The following MASTL variants were observed in gnomAD, a reference collection of about 807,000 sequenced individuals.
MASTL encodes the protein serine/threonine-protein kinase greatwall.
A neutral mutation model predicts 82.5 loss-of-function variants in MASTL; 54 were observed. The ratio of observed to expected loss-of-function variants is 0.65; its 90% confidence interval spans 0.53 to 0.82. The LOEUF is 0.82. Ranked by LOEUF, MASTL falls within the 40% of genes least tolerant of loss-of-function variation. The pLI, the probability that MASTL is intolerant of heterozygous loss-of-function variation, is 0.00. For synonymous variants in MASTL, 323 were observed against 368.9 expected, an observed-to-expected ratio of 0.88 and a Z score of 1.43; for missense variants, 950 against 1,047.8, an observed-to-expected ratio of 0.91 and a Z score of 1.29.
Position 27,159,549 on chromosome 10 carries a change from T to A in MASTL, c.325-70T>A. The A allele has an allele frequency of 8.9e-7, 1 of 1,119,968 alleles. No individual in the cohort carries two copies. Among genetic ancestry groups the A allele is most frequent in the Admixed American group, 1.8e-5 (1 of 55,678 alleles). The allele number at this position is 1,119,968 out of a possible 1,614,324, so 69.4% of individuals were successfully genotyped here. The stretch of plus-strand genomic sequence containing the variant: ...GCCATGCCAAATATTGTAACTGTAA[T>A]GCCCAAATACTAGATTTTTAAAGTA... On this transcript the variant is annotated intron_variant, in intron 2 of 11. Coordinates refer to ENST00000375940, the MANE Select transcript of MASTL (RefSeq NM_001172303.3). This position sits in a 1 kb window ranked among gnomAD's most constrained non-coding sequence, Gnocchi z 4.0.
In MASTL at chr10:27,186,798, G is replaced by A. The variant is rs1446584912; in HGVS notation, c.*262G>A. 3 of 448,692 alleles carry A rather than the reference G, an allele frequency of 6.7e-6. No individual in the cohort carries two copies. Among genetic ancestry groups the A allele is most frequent in the Non-Finnish European group, 1.2e-5 (3 of 245,720 alleles). 27.8% of individuals were successfully genotyped at this position (448,692 alleles called of 1,614,324 possible). A position where few individuals can be genotyped will look rare whatever the true frequency, so the allele number is the denominator to read the frequency against. On this transcript the variant is annotated 3_prime_UTR_variant, in exon 12 of 12. Transcript: ENST00000375940. ...TTGTTTATTGCACTTTATGAAAACT[G>A]AAGCATCAATAAAATTAGAGGACAC...
At position 27,187,173 on chromosome 10, in the gene MASTL, G is replaced by A. The variant is rs529323187; in HGVS notation, c.*637G>A. Among the ~76,000 whole-genome samples, 9 of 152,262 alleles carry A rather than the reference G, an allele frequency of 5.9e-5. No homozygotes were observed. Among genetic ancestry groups the A allele is most frequent in the Admixed American group, 1.3e-4 (2 of 15,298 alleles). Reference sequence around the variant, plus strand: ...AAATTAGCCGGGCATGTTGGTGGGCGCCTGTAGTCCCAGCTACTCTGGAGG... The same window carrying A: ...AAATTAGCCGGGCATGTTGGTGGGCACCTGTAGTCCCAGCTACTCTGGAGG... On this transcript the variant is annotated 3_prime_UTR_variant, in exon 12 of 12. Transcript: ENST00000375940.
chr10:27,181,751 C>T (rs1315942924), intron 11 of MASTL, among the ~76,000 whole-genome samples, 170 bp downstream of exon 11: 5 of 151,766 alleles, frequency 3.3e-5, no homozygotes, highest in Admixed American at 6.6e-5. Flanking sequence ...CCAGCCTGTC[C>T]GATATGGCGA....
chr10:27,157,262 A>C (rs570744027), intron 1 of MASTL, among the ~76,000 whole-genome samples: 1 of 152,316 alleles, frequency 6.6e-6, no homozygotes, highest in Non-Finnish European at 1.5e-5. Flanking sequence ...TATGTTCCTG[A>C]GATTTTTACT....
At chr10:27,162,093 A>G (rs1412170532) in intron 4 of MASTL, among the ~76,000 whole-genome samples, 2 of 152,210 alleles carry the variant, frequency 1.3e-5, no homozygotes, top group Non-Finnish European at 2.9e-5. Context: ...TAATACTACC[A>G]AAAAAGCACA....
At chr10:27,165,033 T>G in intron 4 of MASTL, 31 bp from the exon 5 acceptor site, 1 of 1,338,434 alleles carries the variant, frequency 7.5e-7, no homozygotes, top group Non-Finnish European at 1.1e-6. Flanking sequence ...AGGTTTTAAA[T>G]ACATTTATAT....
chr10:27,172,025 C>T (rs1478835906), intron 8 of MASTL, among the ~76,000 whole-genome samples: 2 of 151,600 alleles, frequency 1.3e-5, no homozygotes, highest in South Asian at 2.1e-4. Flanking sequence ...GATGGGGTTT[C>T]ACCACGTTGG....
In MASTL at chr10:27,159,961, A is replaced by G. The variant is rs1381114415; in HGVS notation, c.464+203A>G. On this transcript the variant is annotated intron_variant, in intron 3 of 11. Transcript: ENST00000375940. This position sits in a 1 kb window ranked among gnomAD's most constrained non-coding sequence, Gnocchi z 4.0. ...ATATTGCTTTGAACATGAGTATAGC[A>G]TGTATTTATTTATTTTTGTATTTAC... is the stretch of plus-strand genomic sequence containing the variant. 6.6e-6 allele frequency among the ~76,000 whole-genome samples: 1 copy of G among 151,858 alleles called. No individual in the cohort carries two copies. Among genetic ancestry groups the G allele is most frequent in the East Asian group, 1.9e-4 (1 of 5,194 alleles).
intron 10 of MASTL, among the ~76,000 whole-genome samples, 169 bp downstream of exon 10, chr10:27,181,235 C>G (rs1029134709): frequency 1.3e-5 from 2 of 151,592 alleles, no homozygotes. Flanking sequence ...AAAAAAAATA[C>G]AAAAAATTAG....
At chr10:27,161,644 A>G (rs2057577424) in intron 4 of MASTL, among the ~76,000 whole-genome samples, 1 of 152,226 alleles carries the variant, frequency 6.6e-6, no homozygotes, top group South Asian at 2.1e-4. Context: ...TTTGTTATTT[A>G]TCCCAGAATA....
chr10:27,162,372 T>C (rs1039364644), intron 4 of MASTL, among the ~76,000 whole-genome samples: 2 of 152,146 alleles, frequency 1.3e-5, no homozygotes, highest in African/African-American at 4.8e-5. Context: ...AGAAACATAT[T>C]GTATTCTTGG....
At chr10:27,179,677 T>C (rs2058211718) in intron 9 of MASTL, among the ~76,000 whole-genome samples, 1 of 152,236 alleles carries the variant, frequency 6.6e-6, no homozygotes, top group African/African-American at 2.4e-5. Context: ...CTTGAAACCA[T>C]AGTTTAAGTG....
At chr10:27,186,138 C>T (rs900118666) in intron 11 of MASTL, among the ~76,000 whole-genome samples, 3 of 152,146 alleles carry the variant, frequency 2.0e-5, no homozygotes, top group African/African-American at 7.2e-5. Context: ...GCAAATCATT[C>T]ATTCTGTCAT....
At chr10:27,185,798 AAG>A (rs2058689529) in intron 11 of MASTL, among the ~76,000 whole-genome samples, 2 of 149,280 alleles carry the variant, frequency 1.3e-5, no homozygotes, top group Non-Finnish European at 3.0e-5. Flanking sequence ...AAAAAAAAAA[AAG>A]ATGTGAGTGC....
chr10:27,172,553 C>T (rs2057982614), intron 8 of MASTL, among the ~76,000 whole-genome samples: 1 of 151,966 alleles, frequency 6.6e-6, no homozygotes, highest in South Asian at 2.1e-4. Context: ...ACTTGGGAGG[C>T]TGAGGCAGGA....
intron 10 of MASTL, among the ~76,000 whole-genome samples, 194 bp downstream of exon 10, chr10:27,181,260 G>A (rs186768491): frequency 6.6e-6 from 1 of 152,016 alleles, no homozygotes; most frequent in Non-Finnish European, 1.5e-5. Context: ...GCATGTTGAC[G>A]GGCGCCTGTA....
intron 9 of MASTL, among the ~76,000 whole-genome samples, chr10:27,177,300 G>A (rs532369155): frequency 6.6e-6 from 1 of 152,276 alleles, no homozygotes; most frequent in South Asian, 2.1e-4. Context: ...TATGAGCACT[G>A]ATTTTTATAT....
chr10:27,171,825 C>CTTTTTTTTTTTT (rs112511530), intron 8 of MASTL, among the ~76,000 whole-genome samples: 1 of 93,560 alleles, frequency 1.1e-5, no homozygotes, highest in Non-Finnish European at 1.9e-5. Context: ...AAATATGTTT[C>CTTTTTTTTTTTT]TTTTTTTTTT....
At chr10:27,179,440 C>G (rs1811218340) in intron 9 of MASTL, among the ~76,000 whole-genome samples, 1 of 152,058 alleles carries the variant, frequency 6.6e-6, no homozygotes, top group Admixed American at 6.6e-5. Flanking sequence ...GCCTGTAGTC[C>G]CAGCTACTTG....
Sources: allele counts gnomAD v4.1 joint callset (sites outside exome capture counted in the v4.1 genomes callset), GRCh38; gene constraint gnomAD v4.1.1; non-coding constraint Gnocchi (gnomAD v3.1); transcripts MANE v1.5; gene names NCBI Gene and HGNC (gene_info 2026-07-23, HGNC 2026-07-21).